GRIA3: variants seen among roughly 807,000 people sequenced by gnomAD.
GRIA3 encodes glutamate receptor 3.
A neutral mutation model predicts 63.0 loss-of-function variants in GRIA3; 3 were observed. The ratio of observed to expected loss-of-function variants is 0.05; its 90% CI spans 0.02 to 0.12. The LOEUF (loss-of-function observed/expected upper bound fraction) is 0.12, where lower values mean the gene tolerates loss of function less well. Among genes scored for constraint, GRIA3 ranks in the 10% least tolerant of loss-of-function variants. The pLI is 1.00. For missense variants in GRIA3, 347 were observed against 700.9 expected (o/e 0.50, Z 5.70); for synonymous variants, 274 against 257.9 (o/e 1.06, Z -0.60).
intron 2 of GRIA3, among the ~76,000 whole-genome samples, chrX:123,251,973 A>G (rs978658908): frequency 2.7e-5 from 3 of 112,313 alleles, no homozygotes; most frequent in African/African-American, 6.5e-5. Flanking sequence ...TGAGAACTCT[A>G]TCTCTCACAA....
intron 12 of GRIA3, among the ~76,000 whole-genome samples, chrX:123,440,078 A>G (rs2045665543): frequency 8.9e-6 from 1 of 112,275 alleles, no homozygotes; most frequent in Non-Finnish European, 1.9e-5. Flanking sequence ...CAGTTTGCTA[A>G]GGATAATAGC....
At chrX:123,480,496 TATA>T (rs1346906835) in intron 14 of GRIA3, among the ~76,000 whole-genome samples, 1 of 111,628 alleles carries the variant, frequency 9.0e-6, no homozygotes, top group Non-Finnish European at 1.9e-5. Flanking sequence ...AAAGAGAAAA[TATA>T]ATAACAATAA....
At chrX:123,343,602 A>G (rs2045023846) in intron 4 of GRIA3, among the ~76,000 whole-genome samples, 1 of 110,199 alleles carries the variant, frequency 9.1e-6, no homozygotes, top group Admixed American at 9.7e-5. Flanking sequence ...ACAGAGAGAG[A>G]GAGAGAGAGA....
At chrX:123,248,790 AAAAG>A (rs1044881954) in intron 2 of GRIA3, among the ~76,000 whole-genome samples, 7 of 111,844 alleles carry the variant, frequency 6.3e-5, no homozygotes, top group African/African-American at 1.6e-4. Flanking sequence ...CCATCTCAAA[AAAAG>A]AAAGAAAGAA....
At position 123,184,356 on chromosome X, in the gene GRIA3, AGAG is replaced by A. The variant is rs1475861705; in HGVS notation, c.-175_-173del. 37 of 476,536 alleles carry A rather than the reference AGAG, an allele frequency of 7.8e-5. No homozygotes were observed. The highest frequency in any genetic ancestry group is 1.6e-4 in the Admixed American group (5 of 31,438). The allele number at this position is 476,536 out of a possible 1,213,427, so 39.3% of individuals were successfully genotyped here. A position where few individuals can be genotyped will look rare whatever the true frequency, so the allele number is the denominator to read the frequency against. On this transcript the variant is annotated 5_prime_UTR_variant, in exon 1 of 16. Transcript: ENST00000620443. ...AGAGGGAGAGAGAAGAAGAGGAAGA[AGAG>A]GAGGCGGCGGCAGCGGAGGAGGAGG...
intron 2 of GRIA3, among the ~76,000 whole-genome samples, chrX:123,189,862 AT>A (rs889064467): frequency 3.5e-4 from 39 of 111,042 alleles, no homozygotes; most frequent in African/African-American, 1.2e-3. Flanking sequence ...TATTCCATTA[AT>A]TTTTTTCAAG....
chrX:123,248,276 C>A (rs955919426), intron 2 of GRIA3, among the ~76,000 whole-genome samples: 2 of 112,227 alleles, frequency 1.8e-5, no homozygotes, highest in Non-Finnish European at 3.8e-5. Flanking sequence ...AACTTTAGAA[C>A]CTGCCTATGT....
chrX:123,326,111 C>T lies in GRIA3; in HGVS notation c.594C>T (p.Asp198=), dbSNP rs1217002534. Residue 198 remains aspartate (D), a synonymous_variant, in exon 4 of 16, where the codon GAC becomes GAT. Coordinates refer to ENST00000620443, the MANE Select transcript of GRIA3 (RefSeq NM_007325.5). The part of the protein sequence containing the change: ...VTARSVGNIK[D]VQEFRRIIEE... Reference sequence around the variant, plus strand: ...CAAGGTCTGTGGGAAACATAAAGGACGTCCAAGAATTCAGGCGCATCATTG... The same window carrying T: ...CAAGGTCTGTGGGAAACATAAAGGATGTCCAAGAATTCAGGCGCATCATTG... 5 of 1,204,184 alleles carry T rather than the reference C, an allele frequency of 4.2e-6. No homozygotes were observed. The African/African-American group carries it at 8.8e-5, about 21-fold the overall frequency.
At chrX:123,245,147 G>GGA (rs2044351016) in intron 2 of GRIA3, among the ~76,000 whole-genome samples, 1 of 112,231 alleles carries the variant, frequency 8.9e-6, no homozygotes, top group Non-Finnish European at 1.9e-5. Context: ...GGGAAATGAG[G>GGA]GAGAGAACAA....
intron 3 of GRIA3, among the ~76,000 whole-genome samples, chrX:123,303,933 A>G (rs181390403): frequency 6.9e-4 from 77 of 111,013 alleles, no homozygotes; most frequent in South Asian, 3.4e-3. Context: ...GATTTTAGGA[A>G]AAAAAAAATG....
Position 123,482,871 on chromosome X carries a change from G to T in GRIA3, c.2512G>T (p.Ala838Ser). 2.5e-6 allele frequency: 3 copies of T among 1,210,519 alleles called. No individual in the cohort carries two copies. Among genetic ancestry groups the T allele is most frequent in the Non-Finnish European group, 2.2e-6 (2 of 894,502 alleles). ...FYILVGGLGL[A>S]MMVALIEFCY... is the part of the protein sequence containing the mutation. Reference sequence around the variant, plus strand: ...TATACTTGTCGGAGGTCTGGGGCTGGCCATGATGGTGGCTTTGATAGAATT... The same window carrying T: ...TATACTTGTCGGAGGTCTGGGGCTGTCCATGATGGTGGCTTTGATAGAATT... Residue 838 changes from alanine to serine, a missense_variant, in exon 15 of 16, where the codon GCC becomes TCC. By Grantham distance (99) the Ala-to-Ser change is moderately conservative (BLOSUM62 1). Coordinates refer to ENST00000620443, the MANE Select transcript of GRIA3 (RefSeq NM_007325.5).
chrX:123,460,994 T>C (rs1435741731), intron 12 of GRIA3, among the ~76,000 whole-genome samples: 1 of 111,489 alleles, frequency 9.0e-6, no homozygotes, highest in Non-Finnish European at 1.9e-5. Context: ...AAGTAGCATT[T>C]AAAAAGAGGA....
At chrX:123,347,547 C>T (rs1178406865) in intron 4 of GRIA3, among the ~76,000 whole-genome samples, 2 of 111,971 alleles carry the variant, frequency 1.8e-5, no homozygotes, top group African/African-American at 6.5e-5. Flanking sequence ...AATGCATAGA[C>T]GAGGCATACC....
At chrX:123,275,684 C>T (rs749295914) in intron 3 of GRIA3, among the ~76,000 whole-genome samples, 7 of 112,082 alleles carry the variant, frequency 6.2e-5, no homozygotes, top group Admixed American at 9.4e-5. Context: ...GTGAATTACA[C>T]GGACACTTAA....
chrX:123,284,395 T>G (rs2044605209), intron 3 of GRIA3, among the ~76,000 whole-genome samples: 1 of 111,312 alleles, frequency 9.0e-6, no homozygotes, highest in South Asian at 3.8e-4. Context: ...GGACTGAGAA[T>G]GAGTTTGAGG....
chrX:123,209,149 T>C (rs1044214106), intron 2 of GRIA3, among the ~76,000 whole-genome samples: 2 of 111,549 alleles, frequency 1.8e-5, no homozygotes, highest in Admixed American at 1.9e-4. Context: ...TGTAACAACC[T>C]GAAGTCAGAC....
rs538928247 is a variant in GRIA3, at chrX:123,223,066, C to A, written c.269-30237C>A. ...TGTCCCCAAAGCACTATCTGGCCTG[C>A]CCTGCTTCCAGGCGGGAAAGCCCAA... On this transcript the variant is annotated intron_variant, in intron 2 of 15. Transcript: ENST00000620443. Among the ~76,000 whole-genome samples, 31 of 112,659 alleles carry A rather than the reference C, an allele frequency of 2.8e-4. No individual in the cohort carries two copies. The South Asian group carries it at 0.011, about 40-fold the overall frequency.
intron 2 of GRIA3, among the ~76,000 whole-genome samples, chrX:123,203,719 G>A (rs1390021195): frequency 1.8e-5 from 2 of 111,981 alleles, no homozygotes; most frequent in Non-Finnish European, 3.8e-5. Context: ...AGATACAGGG[G>A]TTTGTTTTGT....
intron 2 of GRIA3, among the ~76,000 whole-genome samples, chrX:123,202,365 C>T (rs754225569): frequency 8.0e-5 from 9 of 112,174 alleles, no homozygotes; most frequent in East Asian, 5.6e-4. Flanking sequence ...TTTTCAATAG[C>T]GAGCTCCAAA....
Sources: gnomAD v4.1 joint callset for allele counts (sites outside exome capture counted in the v4.1 genomes callset) on GRCh38, gnomAD v4.1.1 for gene constraint, MANE v1.5 for transcripts, NCBI Gene and HGNC (gene_info 2026-07-23, HGNC 2026-07-21) for gene names.